SMYD3: variants seen among roughly 807,000 people sequenced by gnomAD.
SMYD3 encodes histone-lysine N-methyltransferase SMYD3.
SMYD3 carries 36 observed loss-of-function variants against 57.7 expected under a neutral mutation model. The observed-to-expected ratio is 0.62, with a 90% CI of 0.48 to 0.82. The LOEUF is 0.82. SMYD3 is among the 40% of genes least tolerant of loss of function. SMYD3 has a pLI of 0.00. For missense variants in SMYD3, 515 were observed against 538.8 expected (o/e 0.96, Z 0.44); for synonymous variants, 211 against 195.0 (o/e 1.08, Z -0.68).
At position 246,481,808 on chromosome 1, in the gene SMYD3, G is replaced by A. The variant is rs559086198; in HGVS notation, c.164+25246C>T. Among the ~76,000 whole-genome samples, 34 of 149,732 alleles carry A rather than the reference G, an allele frequency of 2.3e-4. 1 individual carries two copies. Among genetic ancestry groups the A allele is most frequent in the South Asian group, 8.5e-4 (4 of 4,710 alleles). ...ATAGAGAGAGAGAGATCGATCGATC[G>A]ATCAATACTCTACTGGTTTCTCTGG... On this transcript the variant is annotated intron_variant, in intron 1 of 11. Transcript: ENST00000490107.
chr1:246,302,313 T>C (rs1241311793), intron 5 of SMYD3, among the ~76,000 whole-genome samples: 3 of 152,118 alleles, frequency 2.0e-5, no homozygotes, highest in Non-Finnish European at 4.4e-5. Context: ...ATAATGTTGT[T>C]TGAGCCCCTG....
chr1:246,309,563 A>G (rs535491321), intron 5 of SMYD3, among the ~76,000 whole-genome samples: 1 of 152,330 alleles, frequency 6.6e-6, no homozygotes, highest in South Asian at 2.1e-4. Flanking sequence ...TACTGTGGTC[A>G]ATCAAAAAAA....
intron 1 of SMYD3, among the ~76,000 whole-genome samples, chr1:246,408,567 T>C (rs529106604): frequency 1.1e-4 from 17 of 151,890 alleles, no homozygotes; most frequent in Non-Finnish European, 2.1e-4. Flanking sequence ...TGATAAGTAA[T>C]GAGAATTACT....
chr1:246,426,666 G>A (rs1220061352), intron 1 of SMYD3, among the ~76,000 whole-genome samples: 4 of 152,084 alleles, frequency 2.6e-5, no homozygotes, highest in Non-Finnish European at 5.9e-5. Context: ...GCCTCCAACT[G>A]TTTCCTCCTG....
At chr1:245,875,664 G>A (rs2052447173) in intron 8 of SMYD3, among the ~76,000 whole-genome samples, 1 of 152,136 alleles carries the variant, frequency 6.6e-6, no homozygotes, top group South Asian at 2.1e-4. Flanking sequence ...CTTGCCCAAG[G>A]GAATGCTACG....
At chr1:245,798,351 T>G (rs762182454) in intron 10 of SMYD3, among the ~76,000 whole-genome samples, 13 of 58,284 alleles carry the variant, frequency 2.2e-4, no homozygotes, top group Non-Finnish European at 3.5e-4. Flanking sequence ...CTGAGAAGCC[T>G]TCTGAGGGAA....
At chr1:246,079,212 G>A (rs1297631459) in intron 5 of SMYD3, among the ~76,000 whole-genome samples, 1 of 152,120 alleles carries the variant, frequency 6.6e-6, no homozygotes, top group African/African-American at 2.4e-5. Flanking sequence ...AGCTTCACTG[G>A]GAATCCTTCA....
At chr1:246,174,772 TCCAGG>T (rs2062405216) in intron 5 of SMYD3, among the ~76,000 whole-genome samples, 1 of 152,236 alleles carries the variant, frequency 6.6e-6, no homozygotes, top group Non-Finnish European at 1.5e-5. Flanking sequence ...GTGGATCTAT[TCCAGG>T]AGAGTGGAGT....
intron 1 of SMYD3, among the ~76,000 whole-genome samples, chr1:246,454,172 G>C (rs1165369208): frequency 6.6e-6 from 1 of 152,180 alleles, no homozygotes; most frequent in Non-Finnish European, 1.5e-5. Flanking sequence ...AGTTTAATGG[G>C]ATAGGTGTGC....
intron 10 of SMYD3, among the ~76,000 whole-genome samples, chr1:245,825,542 C>T (rs1454946312): frequency 6.6e-6 from 1 of 152,166 alleles, no homozygotes; most frequent in Non-Finnish European, 1.5e-5. Context: ...AAGGGGCTCA[C>T]TAGGCGGGCC....
At chr1:246,097,634 A>T (rs923700029) in intron 5 of SMYD3, among the ~76,000 whole-genome samples, 1 of 151,924 alleles carries the variant, frequency 6.6e-6, no homozygotes, top group Admixed American at 6.6e-5. Context: ...ATCCCACCCC[A>T]GTTTCCAACC....
At chr1:246,407,840 A>AACAT (rs61040268) in intron 1 of SMYD3, among the ~76,000 whole-genome samples, 1 of 147,026 alleles carries the variant, frequency 6.8e-6, no homozygotes, top group Non-Finnish European at 1.5e-5. Flanking sequence ...ACTCCGTCTC[A>AACAT]AAATAAATAA....
At position 246,095,345 on chromosome 1, in the gene SMYD3, C is replaced by A. The variant is rs181031271; in HGVS notation, c.532-165408G>T. Among the ~76,000 whole-genome samples, 451 of 152,352 alleles carry A rather than the reference C, an allele frequency of 3.0e-3. 2 individuals are homozygous for A. The highest frequency in any genetic ancestry group is 6.8e-3 in the Middle Eastern group (2 of 294). On this transcript the variant is annotated intron_variant, in intron 5 of 11. Coordinates refer to ENST00000490107, the MANE Select transcript of SMYD3 (RefSeq NM_001167740.2). ...TAACAAATAACTTATCGAACTTATACTGTATGCCAGATAATGTGCTAGGCA... is the reference window on the plus strand; with the variant it reads ...TAACAAATAACTTATCGAACTTATAATGTATGCCAGATAATGTGCTAGGCA...
chr1:246,128,763 G>A (rs1352449835), intron 5 of SMYD3, among the ~76,000 whole-genome samples: 1 of 152,014 alleles, frequency 6.6e-6, no homozygotes, highest in East Asian at 1.9e-4. Context: ...GGATTAGTCA[G>A]CTCCATTGTG....
chr1:246,428,684 G>C (rs1417743597), intron 1 of SMYD3, among the ~76,000 whole-genome samples: 1 of 152,092 alleles, frequency 6.6e-6, no homozygotes, highest in Non-Finnish European at 1.5e-5. Flanking sequence ...CTTAACTGCT[G>C]ATTCAAACCC....
chr1:246,040,452 T>C (rs1401798634), intron 5 of SMYD3, among the ~76,000 whole-genome samples: 3 of 152,220 alleles, frequency 2.0e-5, no homozygotes, highest in Non-Finnish European at 2.9e-5. Flanking sequence ...TCACTTCTCT[T>C]AGAAGAAGTA....
chr1:245,904,558 AG>A (rs1393070058), intron 8 of SMYD3, among the ~76,000 whole-genome samples: 11 of 152,180 alleles, frequency 7.2e-5, no homozygotes, highest in Admixed American at 7.2e-4. Context: ...AGCCCTAGCC[AG>A]GGGGCAATCT....
intron 10 of SMYD3, among the ~76,000 whole-genome samples, chr1:245,842,155 T>C (rs78374949): frequency 1.5e-4 from 23 of 152,298 alleles, no homozygotes; most frequent in African/African-American, 5.5e-4. Context: ...AACAAAATCA[T>C]CTAATGACGC....
At chr1:245,937,932 A>G (rs1405251712) in intron 5 of SMYD3, among the ~76,000 whole-genome samples, 1 of 152,244 alleles carries the variant, frequency 6.6e-6, no homozygotes, top group African/African-American at 2.4e-5. Context: ...CTGAAGTTGA[A>G]TTAGATATGG....
Sources: allele counts gnomAD v4.1 joint callset (sites outside exome capture counted in the v4.1 genomes callset), GRCh38; gene constraint gnomAD v4.1.1; transcripts MANE v1.5; gene names NCBI Gene and HGNC (gene_info 2026-07-23, HGNC 2026-07-21).